Variants in DNAH14 observed in about 807,000 individuals in gnomAD.
The protein encoded by DNAH14 is dynein axonemal heavy chain 14.
A neutral mutation model predicts 520.9 loss-of-function variants in DNAH14; 478 were observed. That is an observed-to-expected ratio of 0.92 (90% CI 0.85 to 0.99). DNAH14 has a LOEUF of 0.99. Ranked by LOEUF, DNAH14 falls within the 50% of genes least tolerant of loss-of-function variation. The pLI, the probability that DNAH14 is intolerant of heterozygous loss-of-function variation, is 0.00. For missense variants in DNAH14, 4,831 were observed against 5,234.5 expected (o/e 0.92, Z 2.38); for synonymous variants, 1,581 against 1,757.2 (o/e 0.90, Z 2.51).
At chr1:225,056,009 T>C (rs1161099567) in intron 17 of DNAH14, among the ~76,000 whole-genome samples, 1 of 151,934 alleles carries the variant, frequency 6.6e-6, no homozygotes, top group Non-Finnish European at 1.5e-5. Context: ...TGTGCATGTG[T>C]CTTTATAGCA....
intron 21 of DNAH14, among the ~76,000 whole-genome samples, chr1:225,087,197 G>A (rs1020987706): frequency 1.3e-5 from 2 of 152,228 alleles, no homozygotes; most frequent in Non-Finnish European, 2.9e-5. Flanking sequence ...AGAGCATGGG[G>A]CTGGCATCTG....
At chr1:225,349,766 A>T (rs920785259) in intron 71 of DNAH14, among the ~76,000 whole-genome samples, 1 of 152,212 alleles carries the variant, frequency 6.6e-6, no homozygotes, top group African/African-American at 2.4e-5. Context: ...ATAAATGCTT[A>T]TTCACTAAAC....
intron 46 of DNAH14, among the ~76,000 whole-genome samples, chr1:225,263,458 C>G (rs2093009094): frequency 6.6e-6 from 1 of 151,824 alleles, no homozygotes; most frequent in Admixed American, 6.6e-5. Context: ...TATAGCCCAT[C>G]TGATTCCTCC....
intron 54 of DNAH14, among the ~76,000 whole-genome samples, chr1:225,286,335 G>A (rs539275065): frequency 6.6e-6 from 1 of 152,226 alleles, no homozygotes; most frequent in South Asian, 2.1e-4. Flanking sequence ...GACAATGTTT[G>A]AGGTGATTAA....
At chr1:225,004,369 G>A (rs187257869) in intron 9 of DNAH14, among the ~76,000 whole-genome samples, 1 of 152,310 alleles carries the variant, frequency 6.6e-6, no homozygotes, top group Admixed American at 6.5e-5. Context: ...AAATCCAGAG[G>A]AGGCAGAGAT....
At chr1:225,228,429 A>G (rs914838903) in intron 41 of DNAH14, among the ~76,000 whole-genome samples, 26 of 152,264 alleles carry the variant, frequency 1.7e-4, no homozygotes, top group Non-Finnish European at 2.9e-4. Context: ...GAATCAATCA[A>G]TATGTAGTTG....
At chr1:225,063,123 A>AT (rs935224983) in intron 17 of DNAH14, among the ~76,000 whole-genome samples, 16 of 47,966 alleles carry the variant, frequency 3.3e-4, no homozygotes, top group South Asian at 2.5e-3. Context: ...AATGAAAGAT[A>AT]TTTAAAAAAA....
rs1210801414 is a variant in DNAH14 at position 225,351,107 on chromosome 1, A to G, written c.11297-540A>G. 6.6e-5 allele frequency among the ~76,000 whole-genome samples: 10 copies of G among 152,318 alleles called. No homozygotes were observed. In the East Asian group the frequency reaches 1.5e-3, roughly 23 times the overall value. ...TTAACACTACTGAACTGTACACTTA[A>G]GAATGGTTAAGATTGGCTGGGTGCA... On this transcript the variant is annotated intron_variant, in intron 71 of 85. Transcript: ENST00000682510.
At chr1:225,197,142 AATG>A (rs2086248426) in intron 38 of DNAH14, among the ~76,000 whole-genome samples, 1 of 152,024 alleles carries the variant, frequency 6.6e-6, no homozygotes, top group Non-Finnish European at 1.5e-5. Flanking sequence ...GGGTTTTTTC[AATG>A]ATATTTTGTA....
chr1:225,335,532 T>TATAC (rs2094957390), intron 66 of DNAH14, among the ~76,000 whole-genome samples: 1 of 143,750 alleles, frequency 7.0e-6, no homozygotes, highest in African/African-American at 2.5e-5. Context: ...TATATACATA[T>TATAC]GTACATATAT....
chr1:225,069,947 G>A (rs3102115), intron 17 of DNAH14, among the ~76,000 whole-genome samples: 112,227 of 151,984 alleles, frequency 0.74, 44,317 homozygotes, highest in Non-Finnish European at 0.88. Flanking sequence ...GGGTGTGTGT[G>A]TCCAGGAATG....
intron 27 of DNAH14, among the ~76,000 whole-genome samples, chr1:225,130,149 C>G (rs1363845636): frequency 6.6e-6 from 1 of 152,120 alleles, no homozygotes; most frequent in African/African-American, 2.4e-5. Context: ...GAATGGCAAT[C>G]ATTAAAAAGT....
chr1:225,287,225 C>A (rs955121620), intron 54 of DNAH14, among the ~76,000 whole-genome samples: 1 of 152,042 alleles, frequency 6.6e-6, no homozygotes, highest in South Asian at 2.1e-4. Flanking sequence ...AAAAAAAAGT[C>A]ATTTTGGAGG....
At chr1:225,329,686 A>G (rs1398911802) in intron 64 of DNAH14, among the ~76,000 whole-genome samples, 1 of 152,180 alleles carries the variant, frequency 6.6e-6, no homozygotes, top group Non-Finnish European at 1.5e-5. Flanking sequence ...TAAGACCTCA[A>G]ACTATGAAAC....
At chr1:225,112,216 C>G (rs1459707752) in intron 23 of DNAH14, among the ~76,000 whole-genome samples, 1 of 152,040 alleles carries the variant, frequency 6.6e-6, no homozygotes, top group Admixed American at 6.6e-5. Flanking sequence ...CCTTCCTATT[C>G]GAAGGATATT....
chr1:225,270,294 G>A (rs1441330154), intron 49 of DNAH14, among the ~76,000 whole-genome samples: 2 of 146,494 alleles, frequency 1.4e-5, no homozygotes, highest in African/African-American at 5.1e-5. Context: ...GACACAGAAT[G>A]GGGAACCTCA....
At chr1:225,196,897 G>GT (rs1352504849) in intron 38 of DNAH14, among the ~76,000 whole-genome samples, 1 of 151,612 alleles carries the variant, frequency 6.6e-6, no homozygotes. Flanking sequence ...GTATTGTTTA[G>GT]TTTTTTTCTT....
chr1:225,227,697 T>G (rs1316058401), intron 41 of DNAH14, among the ~76,000 whole-genome samples: 1 of 152,116 alleles, frequency 6.6e-6, no homozygotes, highest in African/African-American at 2.4e-5. Flanking sequence ...AGAGGAGATA[T>G]CCCAGACCCC....
Position 225,274,197 on chromosome 1 carries a change from A to ATTTTTTTT in DNAH14, c.8010+1090_8010+1097dup, listed in dbSNP as rs869247051. 5.2e-4 allele frequency among the ~76,000 whole-genome samples: 48 copies of ATTTTTTTT among 92,882 alleles called. 2 individuals carry two copies. Among genetic ancestry groups the ATTTTTTTT allele is most frequent in the East Asian group, 6.6e-4 (2 of 3,030 alleles). The allele number at this position is 92,882 out of a possible 152,430, so 60.9% of individuals were successfully genotyped here. On this transcript the variant is annotated intron_variant, in intron 52 of 85. Transcript: ENST00000682510. The stretch of plus-strand genomic sequence containing the variant: ...CTCTGCATCCTCACCAGCATCTGTT[A>ATTTTTTTT]TTTTTTTTTTTTTTTTTTTTTTTTT...
Sources: gnomAD v4.1 joint callset for allele counts (sites outside exome capture counted in the v4.1 genomes callset) on GRCh38, gnomAD v4.1.1 for gene constraint, MANE v1.5 for transcripts, NCBI Gene and HGNC (gene_info 2026-07-23, HGNC 2026-07-21) for gene names.